Variants in IQCJ observed in about 807,000 individuals in gnomAD.
The protein encoded by IQCJ is IQ domain-containing protein J.
In IQCJ, 9 loss-of-function variants were observed where a neutral mutation model predicts 11.0. That is an observed-to-expected ratio of 0.82 (90% CI 0.49 to 1.43). The LOEUF (loss-of-function observed/expected upper bound fraction) is 1.43, where lower values mean the gene tolerates loss of function less well. IQCJ is among the 40% of genes most tolerant of loss of function. The pLI is 0.00. For synonymous variants in IQCJ, 55 were observed against 51.3 expected, an observed-to-expected ratio of 1.07 and a Z score of -0.31; for missense variants, 146 against 133.2, an observed-to-expected ratio of 1.10 and a Z score of -0.47.
chr3:159,151,613 A>G (rs553496553), intron 1 of IQCJ, among the ~76,000 whole-genome samples: 3 of 152,260 alleles, frequency 2.0e-5, no homozygotes, highest in South Asian at 2.1e-4. Flanking sequence ...AAACAAAAAC[A>G]AAAAAACAAA....
chr3:159,192,792 T>G (rs1027030989), intron 1 of IQCJ, among the ~76,000 whole-genome samples: 6 of 152,210 alleles, frequency 3.9e-5, no homozygotes, highest in African/African-American at 1.4e-4. Flanking sequence ...AGGTTATTCC[T>G]TGCATGCTCA....
intron 1 of IQCJ, among the ~76,000 whole-genome samples, chr3:159,127,054 C>T (rs1719717799): frequency 6.6e-6 from 1 of 152,166 alleles, no homozygotes; most frequent in Non-Finnish European, 1.5e-5. Context: ...GATTAGGGAG[C>T]ACAGAGGTGA....
chr3:159,177,934 G>A (rs1415859833), intron 1 of IQCJ, among the ~76,000 whole-genome samples: 1 of 152,188 alleles, frequency 6.6e-6, no homozygotes, highest in Non-Finnish European at 1.5e-5. Flanking sequence ...TGCCTACCCT[G>A]TGTCAGGGAT....
chr3:159,240,419 T>C (rs887880153), intron 1 of IQCJ, among the ~76,000 whole-genome samples: 1 of 152,198 alleles, frequency 6.6e-6, no homozygotes, highest in Non-Finnish European at 1.5e-5. Context: ...CAATTAAATA[T>C]TTAATTTTGC....
chr3:159,196,365 AGTGTCTTTCTTTAG>A (rs1317239198), intron 1 of IQCJ, among the ~76,000 whole-genome samples: 1 of 152,184 alleles, frequency 6.6e-6, no homozygotes, highest in Non-Finnish European at 1.5e-5. Context: ...CTAGGTCTTT[AGTGTCTTTCTTTAG>A]GGATACGGCT....
At chr3:159,103,075 T>C (rs970923118) in intron 1 of IQCJ, among the ~76,000 whole-genome samples, 1 of 152,224 alleles carries the variant, frequency 6.6e-6, no homozygotes, top group Non-Finnish European at 1.5e-5. Flanking sequence ...TATTTCTACA[T>C]AGGTCTGTCT....
At chr3:159,084,079 CTT>C (rs1194074544) in intron 1 of IQCJ, among the ~76,000 whole-genome samples, 2 of 151,856 alleles carry the variant, frequency 1.3e-5, no homozygotes, top group African/African-American at 2.4e-5. Context: ...ACTGGTGAAA[CTT>C]GATTAAGCTT....
chr3:159,086,591 C>G (rs1178199567), intron 1 of IQCJ, among the ~76,000 whole-genome samples: 2 of 151,946 alleles, frequency 1.3e-5, no homozygotes, highest in African/African-American at 2.4e-5. Flanking sequence ...CTTTTATTTC[C>G]TTGAGCAGTG....
At chr3:159,249,235 A>C (rs1727450714) in intron 2 of IQCJ, among the ~76,000 whole-genome samples, 1 of 152,124 alleles carries the variant, frequency 6.6e-6, no homozygotes, top group African/African-American at 2.4e-5. Flanking sequence ...CCTCTCACTA[A>C]CACCAGCATG....
At chr3:159,257,217 A>T (rs2108225965) in intron 3 of IQCJ, among the ~76,000 whole-genome samples, 1 of 152,208 alleles carries the variant, frequency 6.6e-6, no homozygotes, top group South Asian at 2.1e-4. Context: ...GGGGAAGAGG[A>T]CTTGTTTGAA....
intron 1 of IQCJ, among the ~76,000 whole-genome samples, chr3:159,162,012 G>A (rs910020925): frequency 7.9e-5 from 12 of 152,092 alleles, no homozygotes; most frequent in East Asian, 1.9e-4. Context: ...TTGGCGACAC[G>A]GGCTCTTTTT....
At chr3:159,092,731 C>CACA (rs1553775245) in intron 1 of IQCJ, among the ~76,000 whole-genome samples, 1 of 150,264 alleles carries the variant, frequency 6.7e-6, no homozygotes, top group African/African-American at 2.5e-5. Flanking sequence ...CACACACACA[C>CACA]CATTTAGAAA....
At chr3:159,170,468 C>T (rs552776306) in intron 1 of IQCJ, among the ~76,000 whole-genome samples, 216 of 152,294 alleles carry the variant, frequency 1.4e-3, no homozygotes, top group Admixed American at 2.5e-3. Context: ...TGGACACTAA[C>T]ATTCAGTTTT....
chr3:159,103,584 T>G (rs1718064913), intron 1 of IQCJ, among the ~76,000 whole-genome samples: 1 of 152,212 alleles, frequency 6.6e-6, no homozygotes, highest in Non-Finnish European at 1.5e-5. Flanking sequence ...CATTTTGAAA[T>G]AAAATATTTA....
chr3:159,258,346 G>A (rs997069128), intron 3 of IQCJ, among the ~76,000 whole-genome samples: 7 of 152,166 alleles, frequency 4.6e-5, no homozygotes, highest in Admixed American at 3.9e-4. Context: ...AACCAACCAC[G>A]GCCCTCTGGC....
At chr3:159,224,010 C>T (rs1725697242) in intron 1 of IQCJ, among the ~76,000 whole-genome samples, 1 of 151,378 alleles carries the variant, frequency 6.6e-6, no homozygotes, top group Admixed American at 6.6e-5. Context: ...AATGGATACT[C>T]AACCTGTAAT....
chr3:159,153,176 A>C (rs1721325382), intron 1 of IQCJ, among the ~76,000 whole-genome samples: 1 of 152,240 alleles, frequency 6.6e-6, no homozygotes, highest in South Asian at 2.1e-4. Context: ...TATAAAAATT[A>C]TGTAGAATTA....
intron 1 of IQCJ, among the ~76,000 whole-genome samples, chr3:159,219,276 T>TC: frequency 6.6e-6 from 1 of 152,034 alleles, no homozygotes; most frequent in African/African-American, 2.4e-5. Flanking sequence ...GAAATAAAAC[T>TC]ACAGACTCAG....
intron 1 of IQCJ, among the ~76,000 whole-genome samples, chr3:159,196,109 A>G (rs1226103430): frequency 5.9e-5 from 9 of 152,176 alleles, no homozygotes; most frequent in Non-Finnish European, 1.2e-4. Flanking sequence ...ACATAAGGAA[A>G]TTTCCCAAAT....
Sources: gnomAD v4.1 joint callset for allele counts (sites outside exome capture counted in the v4.1 genomes callset) on GRCh38, gnomAD v4.1.1 for gene constraint, MANE v1.5 for transcripts, NCBI Gene and HGNC (gene_info 2026-07-23, HGNC 2026-07-21) for gene names.